KCNS3: variants seen among roughly 807,000 people sequenced by gnomAD.
The protein encoded by KCNS3 is potassium voltage-gated channel modifier subfamily S member 3.
Under a neutral mutation model 31.0 loss-of-function variants are expected in KCNS3, and 13 were observed. The observed-to-expected ratio is 0.42, with a 90% CI of 0.27 to 0.67. KCNS3 has a LOEUF of 0.67. Ranked by LOEUF, KCNS3 falls within the 30% of genes least tolerant of loss-of-function variation. The pLI is 0.25. For missense variants in KCNS3, 545 were observed against 622.4 expected, an observed-to-expected ratio of 0.88 and a Z score of 1.32; for synonymous variants, 238 against 241.5, an observed-to-expected ratio of 0.99 and a Z score of 0.13.
In KCNS3 at chr2:17,931,398, GA is replaced by G; in HGVS notation, c.392del (p.Lys131ArgfsTer10). ...AGGAACGCAAGGAGGAAAACCACGA[GA>G]AGGACTGGGACCAGAAAAGCCATGA... is the stretch of plus-strand genomic sequence containing the variant. ...YQERKEENHE[K>X]DWDQKSHDVS... On this transcript the variant is annotated frameshift_variant, in exon 3 of 3. Coordinates refer to ENST00000304101, the MANE Select transcript of KCNS3 (RefSeq NM_002252.5). LOFTEE classifies it high-confidence loss of function. This position sits in a 1 kb window ranked among gnomAD's most constrained non-coding sequence, Gnocchi z 5.4. 6.2e-7 allele frequency: 1 copy of G among 1,614,160 alleles called. No individual in the cohort carries two copies. The highest frequency in any genetic ancestry group is 1.1e-5 in the South Asian group (1 of 91,080).
rs544635900 is a variant in KCNS3 at position 17,888,595 on chromosome 2, T to A, written c.-252+9789T>A. On this transcript the variant is annotated intron_variant, in intron 1 of 2. Coordinates refer to ENST00000304101, the MANE Select transcript of KCNS3 (RefSeq NM_002252.5). ...GTAACAAACCTGCACGTTGTGCACA[T>A]GTACCCTAGAACTTAAAGTATAATA... Among the ~76,000 whole-genome samples the A allele has an allele frequency of 5.4e-3, 737 of 136,078 alleles. 8 individuals carry two copies. Among genetic ancestry groups the A allele is most frequent in the Non-Finnish European group, 9.6e-3 (621 of 64,864 alleles). 89.3% of individuals were successfully genotyped at this position (136,078 alleles called of 152,430 possible).
At chr2:17,878,920 GT>G (rs1056989667) in intron 1 of KCNS3, 114 bp downstream of exon 1, 8 of 152,242 alleles carry the variant, frequency 5.3e-5, no homozygotes, top group Non-Finnish European at 7.3e-5. Context: ...TGTGGTCCAG[GT>G]CGCGGGTGCA....
intron 1 of KCNS3, among the ~76,000 whole-genome samples, chr2:17,884,079 G>A (rs1674704056): frequency 8.1e-6 from 1 of 123,988 alleles, no homozygotes; most frequent in African/African-American, 3.1e-5. Flanking sequence ...ACACAGGAAG[G>A]GGAACATCAC....
intron 1 of KCNS3, among the ~76,000 whole-genome samples, chr2:17,905,828 G>A (rs911229549): frequency 2.0e-5 from 3 of 152,208 alleles, no homozygotes; most frequent in Admixed American, 6.5e-5. Context: ...ATCATGGTGG[G>A]TAAGCTTTTT....
chr2:17,909,335 G>C (rs1312532092), intron 1 of KCNS3, among the ~76,000 whole-genome samples: 5 of 152,186 alleles, frequency 3.3e-5, no homozygotes, highest in African/African-American at 1.2e-4. Context: ...GGAGTGACCT[G>C]ATTTTCCAGG....
At chr2:17,923,718 T>C (rs1475576301) in intron 2 of KCNS3, among the ~76,000 whole-genome samples, 1 of 151,970 alleles carries the variant, frequency 6.6e-6, no homozygotes. Flanking sequence ...CAATACTATT[T>C]ATCGAAAAGA....
intron 1 of KCNS3, among the ~76,000 whole-genome samples, chr2:17,886,037 T>TACAA (rs1438031044): frequency 2.6e-5 from 4 of 151,856 alleles, no homozygotes; most frequent in African/African-American, 9.7e-5. Flanking sequence ...AAAAAACAAA[T>TACAA]ACAAACAAAC....
intron 1 of KCNS3, among the ~76,000 whole-genome samples, chr2:17,879,613 T>C (rs1050671884): frequency 6.6e-6 from 1 of 152,132 alleles, no homozygotes; most frequent in African/African-American, 2.4e-5. Flanking sequence ...GAGCCAGTCT[T>C]GCCGGCAGGG....
rs1162926294 is a variant in KCNS3, at chr2:17,932,091, G to A, written c.1083G>A (p.Trp361Ter). 1.2e-6 allele frequency: 2 copies of A among 1,613,914 alleles called. No individual in the cohort carries two copies. The highest frequency in any genetic ancestry group is 1.3e-5 in the African/African-American group (1 of 74,862). ...TSSLTSIPIC[W>*]WWATISMTTV... ...GCCTCACCAGCATCCCCATCTGCTG[G>A]TGGTGGGCCACCATCAGCATGACAA... The change falls in exon 3 of 3, where the codon TGG becomes TGA. Residue 361 changes from tryptophan (W) to a stop codon, truncating the protein, a stop_gained. Transcript: ENST00000304101. LOFTEE classifies it high-confidence loss of function.
chr2:17,904,924 G>A (rs1662279754), intron 1 of KCNS3, among the ~76,000 whole-genome samples: 2 of 152,284 alleles, frequency 1.3e-5, no homozygotes, highest in South Asian at 2.1e-4. Context: ...TTGGGCTTAG[G>A]ATTGTCTTGG....
intron 1 of KCNS3, among the ~76,000 whole-genome samples, chr2:17,901,030 A>T (rs1662161261): frequency 6.6e-6 from 1 of 152,232 alleles, no homozygotes; most frequent in African/African-American, 2.4e-5. Flanking sequence ...CAAAGAACCT[A>T]AATGACTGAC....
chr2:17,878,664 G>A (rs1349299990), upstream of KCNS3: 1 of 149,428 alleles, frequency 6.7e-6, no homozygotes, highest in African/African-American at 2.4e-5. Flanking sequence ...GGGACCGACG[G>A]ACAGACCGGC....
At chr2:17,910,437 T>C (rs1013796740) in intron 1 of KCNS3, among the ~76,000 whole-genome samples, 1 of 152,224 alleles carries the variant, frequency 6.6e-6, no homozygotes, top group African/African-American at 2.4e-5. Context: ...ACCTCCTGAA[T>C]TTCAACACAG....
At position 17,931,040 on chromosome 2, in the gene KCNS3, G is replaced by A. The variant is rs762757664; in HGVS notation, c.32G>A (p.Gly11Glu). 1.2e-6 allele frequency: 2 copies of A among 1,613,948 alleles called. No individual in the cohort carries two copies. The highest frequency in any genetic ancestry group is 1.7e-5 in the Admixed American group (1 of 60,002). The change falls in exon 3 of 3, where the codon GGA becomes GAA. Residue 11 changes from glycine (G) to glutamate (E), a missense_variant. Physicochemically the swap from Gly to Glu is moderately conservative, Grantham distance 98. Coordinates refer to ENST00000304101, the MANE Select transcript of KCNS3 (RefSeq NM_002252.5). This position sits in a 1 kb window ranked among gnomAD's most constrained non-coding sequence, Gnocchi z 5.4. ...TTTGGTGAGTTTTTCCATCGCCCTG[G>A]ACAAGACGAGGAACTTGTCAACCTG... is the stretch of plus-strand genomic sequence containing the variant. MVFGEFFHRP[G>E]QDEELVNLNV...
intron 1 of KCNS3, among the ~76,000 whole-genome samples, chr2:17,902,410 G>T (rs1215921359): frequency 6.6e-6 from 1 of 151,140 alleles, no homozygotes; most frequent in Non-Finnish European, 1.5e-5. Context: ...TCTATATAAA[G>T]ATGTATTTGA....
At chr2:17,879,620 A>G (rs888987739) in intron 1 of KCNS3, among the ~76,000 whole-genome samples, 1 of 151,734 alleles carries the variant, frequency 6.6e-6, no homozygotes, top group Admixed American at 6.6e-5. Context: ...TCTTGCCGGC[A>G]GGGGCCGCGG....
At chr2:17,923,477 G>T (rs1024167996) in intron 2 of KCNS3, among the ~76,000 whole-genome samples, 1 of 151,900 alleles carries the variant, frequency 6.6e-6, no homozygotes, top group Non-Finnish European at 1.5e-5. Context: ...TTTACATTTT[G>T]ATAAAGTCAA....
chr2:17,908,473 C>T (rs1662391483), intron 1 of KCNS3, among the ~76,000 whole-genome samples: 1 of 152,380 alleles, frequency 6.6e-6, no homozygotes, highest in African/African-American at 2.4e-5. Context: ...CAAAGACATT[C>T]TCCATCCAGC....
chr2:17,888,370 C>T (rs559041401), intron 1 of KCNS3, among the ~76,000 whole-genome samples: 10 of 151,814 alleles, frequency 6.6e-5, no homozygotes, highest in Non-Finnish European at 1.5e-4. Context: ...GTCCTTAATA[C>T]ATCTTGTTGA....
Sources: gnomAD v4.1 joint callset for allele counts (sites outside exome capture counted in the v4.1 genomes callset) on GRCh38, gnomAD v4.1.1 for gene constraint, Gnocchi (gnomAD v3.1) non-coding constraint, MANE v1.5 for transcripts, NCBI Gene and HGNC (gene_info 2026-07-23, HGNC 2026-07-21) for gene names.